The following GFRA2 variants were observed in gnomAD, a reference collection of about 807,000 sequenced individuals.
GFRA2 encodes GDNF family receptor alpha 2, also known as GDNF family receptor alpha-2.
A neutral mutation model predicts 48.3 loss-of-function variants in GFRA2; 17 were observed. That is an observed-to-expected ratio of 0.35 (90% CI 0.24 to 0.53). The LOEUF (loss-of-function observed/expected upper bound fraction) is 0.53. Among genes scored for constraint, GFRA2 ranks in the 20% least tolerant of loss-of-function variants. The pLI is 0.93. For synonymous variants in GFRA2, 305 were observed against 257.2 expected (o/e 1.19, Z -1.78); for missense variants, 660 against 637.3 (o/e 1.04, Z -0.38).
chr8:21,797,287 C>CTTTTTTTTTTTTTTT lies in GFRA2; in HGVS notation c.-36+7715_-36+7729dup, dbSNP rs1159867192. 2.6e-4 allele frequency among the ~76,000 whole-genome samples: 22 copies of CTTTTTTTTTTTTTTT among 85,638 alleles called. 1 individual carries two copies. The highest frequency in any genetic ancestry group is 8.2e-4 in the East Asian group (2 of 2,430). 56.2% of individuals were successfully genotyped at this position (85,638 alleles called of 152,430 possible). On this transcript the variant is annotated intron_variant, in intron 2 of 10. Transcript: ENST00000517328. ...TCTTTCTTTTTTTTTCCTTTCTTTG[C>CTTTTTTTTTTTTTTT]TTTTTTTTTTTTTTTTTTTTTTTGA...
chr8:21,771,696 C>T (rs1374102107), intron 3 of GFRA2, among the ~76,000 whole-genome samples: 1 of 152,142 alleles, frequency 6.6e-6, no homozygotes, highest in Non-Finnish European at 1.5e-5. Context: ...AATTCTCAGA[C>T]AGGAGCTGGT....
At chr8:21,713,769 G>A (rs1803191061) in intron 4 of GFRA2, among the ~76,000 whole-genome samples, 1 of 152,172 alleles carries the variant, frequency 6.6e-6, no homozygotes, top group South Asian at 2.1e-4. Flanking sequence ...GCAGAGTCCA[G>A]CAATCTGCAC....
At chr8:21,702,757 C>T (rs1802543790) in intron 7 of GFRA2, 48 bp downstream of exon 7, 2 of 1,518,738 alleles carry the variant, frequency 1.3e-6, no homozygotes, top group Non-Finnish European at 1.8e-6. Flanking sequence ...TCCCATGCCA[C>T]TTCCGGTGCC....
chr8:21,787,024 C>G (rs1223704455), intron 1 of GFRA2, among the ~76,000 whole-genome samples: 1 of 152,070 alleles, frequency 6.6e-6, no homozygotes, highest in Non-Finnish European at 1.5e-5. Context: ...ACAGTAGTTA[C>G]CCGGCTCCCT....
At chr8:21,769,063 G>T in intron 3 of GFRA2, 1 of 394,694 alleles carries the variant, frequency 2.5e-6, no homozygotes, top group Non-Finnish European at 3.4e-6. Flanking sequence ...GGCAGCACTT[G>T]GTCTACATTG....
chr8:21,772,262 T>C (rs944928157), intron 3 of GFRA2, among the ~76,000 whole-genome samples: 12 of 152,210 alleles, frequency 7.9e-5, no homozygotes, highest in Non-Finnish European at 1.3e-4. Context: ...ACCTTCTTTC[T>C]GCTGAGCTCC....
intron 4 of GFRA2, among the ~76,000 whole-genome samples, chr8:21,735,686 G>A (rs1004291503): frequency 6.6e-6 from 1 of 152,226 alleles, no homozygotes; most frequent in African/African-American, 2.4e-5. Context: ...TCTTGAGACA[G>A]GGTCTGTACT....
chr8:21,703,377 G>C (rs371715734), intron 6 of GFRA2, among the ~76,000 whole-genome samples: 4 of 151,912 alleles, frequency 2.6e-5, no homozygotes, highest in African/African-American at 9.7e-5. Context: ...AGGCTCTTCC[G>C]GCCCCTGTGC....
chr8:21,739,763 G>A (rs940794299), intron 4 of GFRA2, among the ~76,000 whole-genome samples: 1 of 152,154 alleles, frequency 6.6e-6, no homozygotes, highest in Admixed American at 6.5e-5. Flanking sequence ...CAGGAGCCAG[G>A]GGCACCTCTC....
intron 4 of GFRA2, among the ~76,000 whole-genome samples, chr8:21,731,748 G>A (rs1470603601): frequency 6.6e-6 from 1 of 152,166 alleles, no homozygotes; most frequent in African/African-American, 2.4e-5. Context: ...AGAAAGCTCC[G>A]AGAGGCAGAC....
chr8:21,758,205 C>CCA (rs68120271), intron 3 of GFRA2, among the ~76,000 whole-genome samples: 146 of 89,184 alleles, frequency 1.6e-3, no homozygotes, highest in Non-Finnish European at 2.0e-3. Context: ...GGCCCACTCC[C>CCA]CACACACACA....
At chr8:21,721,594 A>C (rs1157718827) in intron 4 of GFRA2, among the ~76,000 whole-genome samples, 1 of 152,242 alleles carries the variant, frequency 6.6e-6, no homozygotes. Flanking sequence ...AGTGTTTGGG[A>C]GATGAAACCA....
intron 2 of GFRA2, among the ~76,000 whole-genome samples, chr8:21,780,357 T>G (rs1280646733): frequency 1.3e-5 from 2 of 152,142 alleles, no homozygotes; most frequent in Non-Finnish European, 2.9e-5. Flanking sequence ...CTGACCCTGT[T>G]GAGGGTCCTC....
intron 4 of GFRA2, among the ~76,000 whole-genome samples, chr8:21,745,507 G>A (rs1217656668): frequency 1.3e-5 from 2 of 152,238 alleles, no homozygotes; most frequent in Non-Finnish European, 2.9e-5. Flanking sequence ...CAGGTTGGGG[G>A]TTCTGCAATT....
At chr8:21,809,680 C>A (rs1807942302) in intron 1 of GFRA2, among the ~76,000 whole-genome samples, 1 of 152,336 alleles carries the variant, frequency 6.6e-6, no homozygotes, top group Non-Finnish European at 1.5e-5. Flanking sequence ...CAGTTCCCTA[C>A]CTGGCCCCTG....
At chr8:21,753,453 T>C (rs1156514650) in intron 3 of GFRA2, among the ~76,000 whole-genome samples, 2 of 152,050 alleles carry the variant, frequency 1.3e-5, no homozygotes, top group Non-Finnish European at 2.9e-5. Context: ...ACTAAAAATA[T>C]AAAAATTAGC....
chr8:21,694,565 G>T, intron 7 of GFRA2, 48 bp from the exon 8 acceptor site: 1 of 1,571,974 alleles, frequency 6.4e-7, no homozygotes, highest in Non-Finnish European at 8.7e-7. Flanking sequence ...GGCTGTTCCT[G>T]GCTGGGCTTT....
intron 4 of GFRA2, among the ~76,000 whole-genome samples, chr8:21,738,176 C>CA: frequency 2.2e-5 from 1 of 45,950 alleles, no homozygotes; most frequent in East Asian, 7.6e-4. Flanking sequence ...CATCCCCCTC[C>CA]CCCGTTCCTC....
chr8:21,712,488 T>C (rs1383816990), intron 4 of GFRA2, among the ~76,000 whole-genome samples: 2 of 145,292 alleles, frequency 1.4e-5, no homozygotes, highest in African/African-American at 2.6e-5. Flanking sequence ...CTAGATGGGA[T>C]GGCGGGCGGG....
Sources: allele counts gnomAD v4.1 joint callset (sites outside exome capture counted in the v4.1 genomes callset), GRCh38; gene constraint gnomAD v4.1.1; transcripts MANE v1.5; gene names NCBI Gene and HGNC (gene_info 2026-07-23, HGNC 2026-07-21).